The following PLXNA4 variants were observed in gnomAD, a reference collection of about 807,000 sequenced individuals.
The protein encoded by PLXNA4 is plexin A4.
A neutral mutation model predicts 191.8 loss-of-function variants in PLXNA4; 44 were observed. That is an observed-to-expected ratio of 0.23 (90% CI 0.18 to 0.29). The LOEUF (loss-of-function observed/expected upper bound fraction) is 0.29. PLXNA4 is among the 10% of genes least tolerant of loss of function. The probability of loss-of-function intolerance (pLI) is 1.00; values close to 1 mark genes in which losing one functional copy is unlikely to be tolerated. For synonymous variants in PLXNA4, 1,082 were observed against 1,009.5 expected (o/e 1.07, Z -1.36); for missense variants, 1,800 against 2,488.8 (o/e 0.72, Z 5.89).
chr7:132,198,334 G>T, intron 13 of PLXNA4, 151 bp downstream of exon 13: 1 of 1,095,018 alleles, frequency 9.1e-7, no homozygotes, highest in South Asian at 1.9e-5. Context: ...GGAGTTGTGG[G>T]AGTCCACCCT....
At chr7:132,154,882 T>C (rs544520422) in intron 25 of PLXNA4, among the ~76,000 whole-genome samples, 5 of 152,280 alleles carry the variant, frequency 3.3e-5, no homozygotes, top group African/African-American at 1.2e-4. Flanking sequence ...ACAATCCAAT[T>C]TGTTACATTT....
chr7:132,423,446 T>C (rs1794921471), intron 3 of PLXNA4, among the ~76,000 whole-genome samples: 1 of 152,136 alleles, frequency 6.6e-6, no homozygotes, highest in Admixed American at 6.5e-5. Context: ...ATGAAGGGGT[T>C]TCCCTCTTCC....
At chr7:132,592,316 C>T (rs951828033) in intron 2 of PLXNA4, among the ~76,000 whole-genome samples, 15 of 152,084 alleles carry the variant, frequency 9.9e-5, no homozygotes, top group East Asian at 3.9e-4. Flanking sequence ...GATGGGAGTG[C>T]GGTGCAGGGA....
chr7:132,300,527 C>T (rs376965857), intron 3 of PLXNA4, among the ~76,000 whole-genome samples: 13 of 152,332 alleles, frequency 8.5e-5, no homozygotes, highest in Middle Eastern at 3.4e-3. Context: ...TTTAAGGAGT[C>T]GTGGTTAGTG....
At chr7:132,471,016 G>C (rs1036025599) in intron 3 of PLXNA4, among the ~76,000 whole-genome samples, 38 of 152,258 alleles carry the variant, frequency 2.5e-4, no homozygotes, top group African/African-American at 8.7e-4. Flanking sequence ...TGGGGCCTTG[G>C]GGGGTGTGAT....
intron 3 of PLXNA4, among the ~76,000 whole-genome samples, chr7:132,480,226 G>C (rs989781095): frequency 1.3e-5 from 2 of 152,176 alleles, no homozygotes; most frequent in African/African-American, 2.4e-5. Context: ...AGAATGGAGG[G>C]GGTGAAAGTG....
At chr7:132,142,877 T>C (rs1178871209) in intron 29 of PLXNA4, among the ~76,000 whole-genome samples, 5 of 152,204 alleles carry the variant, frequency 3.3e-5, no homozygotes, top group Non-Finnish European at 7.3e-5. Context: ...GGAGTCCACA[T>C]TTGCTCTGCC....
chr7:132,483,095 A>G (rs925277257), intron 3 of PLXNA4, among the ~76,000 whole-genome samples: 1 of 152,204 alleles, frequency 6.6e-6, no homozygotes, highest in African/African-American at 2.4e-5. Flanking sequence ...CAGTGGACAC[A>G]TTCCCAGGAA....
intron 3 of PLXNA4, among the ~76,000 whole-genome samples, chr7:132,426,789 T>C (rs1047319179): frequency 2.0e-5 from 3 of 152,196 alleles, no homozygotes; most frequent in African/African-American, 4.8e-5. Flanking sequence ...ATATAATGAT[T>C]TGTGGCCCTC....
chr7:132,601,235 AT>A (rs1278777667), intron 2 of PLXNA4, among the ~76,000 whole-genome samples: 4 of 151,974 alleles, frequency 2.6e-5, no homozygotes, highest in Non-Finnish European at 4.4e-5. Flanking sequence ...ATACATATCT[AT>A]TTAAAGAAAC....
At chr7:132,532,809 C>A (rs1257412548) in intron 1 of PLXNA4, among the ~76,000 whole-genome samples, 3 of 152,226 alleles carry the variant, frequency 2.0e-5, no homozygotes, top group Non-Finnish European at 4.4e-5. Context: ...TTCCTGTTGT[C>A]ATGCCTTCAC....
chr7:132,156,810 G>A lies in PLXNA4; in HGVS notation c.4660+2663C>T, dbSNP rs577159553. Among the ~76,000 whole-genome samples, 14 of 152,326 alleles carry A rather than the reference G, an allele frequency of 9.2e-5. No homozygotes were observed. In the South Asian group the frequency reaches 2.9e-3, roughly 32 times the overall value. On this transcript the variant is annotated intron_variant, in intron 25 of 31. Coordinates refer to ENST00000321063, the MANE Select transcript of PLXNA4 (RefSeq NM_020911.2). ...GTGGGGGCTGTGATTGAATAGTGTG[G>A]AAAAAGCATTTGGGTCTCTGAGGAG... is the stretch of plus-strand genomic sequence containing the variant.
chr7:132,522,033 G>C (rs1799208794), intron 1 of PLXNA4, among the ~76,000 whole-genome samples: 1 of 152,172 alleles, frequency 6.6e-6, no homozygotes, highest in Non-Finnish European at 1.5e-5. Context: ...TGTCCATGGG[G>C]AAAGAGAGGC....
chr7:132,167,733 G>T (rs1213114064), intron 22 of PLXNA4, among the ~76,000 whole-genome samples: 1 of 152,088 alleles, frequency 6.6e-6, no homozygotes, highest in Non-Finnish European at 1.5e-5. Flanking sequence ...TAGAGATGAG[G>T]TCTATGTTGC....
chr7:132,274,926 T>C (rs548050549), intron 4 of PLXNA4, among the ~76,000 whole-genome samples: 40 of 152,174 alleles, frequency 2.6e-4, no homozygotes, highest in African/African-American at 8.9e-4. Flanking sequence ...TCATATCAAA[T>C]TGTCATGATG....
chr7:132,607,486 A>C (rs1802948956), intron 2 of PLXNA4, among the ~76,000 whole-genome samples: 1 of 152,182 alleles, frequency 6.6e-6, no homozygotes, highest in Non-Finnish European at 1.5e-5. Flanking sequence ...AACTTTATAG[A>C]TTGAGAGATG....
Position 132,159,701 on chromosome 7 carries a change from G to A in PLXNA4, c.4501-69C>T, listed in dbSNP as rs1002642751. 3.1e-6 allele frequency: 5 copies of A among 1,589,262 alleles called. No individual in the cohort carries two copies. The South Asian group carries it at 4.7e-5, about 15-fold the overall frequency. ...AGGAAAAGCTCCTAGATCCCCAGCA[G>A]CACCCTGGGATTCCGTCCTGAATGG... On this transcript the variant is annotated intron_variant, in intron 24 of 31. Transcript: ENST00000321063.
chr7:132,312,793 G>A (rs771863205), intron 3 of PLXNA4, among the ~76,000 whole-genome samples: 50 of 152,126 alleles, frequency 3.3e-4, no homozygotes, highest in Non-Finnish European at 5.0e-4. Flanking sequence ...ATCAGTTGAC[G>A]TGAAGATTTA....
chr7:132,614,683 A>G (rs1005495532), intron 2 of PLXNA4, among the ~76,000 whole-genome samples: 2 of 152,236 alleles, frequency 1.3e-5, no homozygotes, highest in African/African-American at 4.8e-5. Context: ...AGCTGACGGG[A>G]CAGAGGCACC....
Sources: gnomAD v4.1 joint callset for allele counts (sites outside exome capture counted in the v4.1 genomes callset) on GRCh38, gnomAD v4.1.1 for gene constraint, MANE v1.5 for transcripts, NCBI Gene and HGNC (gene_info 2026-07-23, HGNC 2026-07-21) for gene names.